Variants in NKAIN2 observed in about 807,000 individuals in gnomAD.
NKAIN2 encodes sodium/potassium transporting ATPase interacting 2, also known as sodium/potassium-transporting ATPase subunit beta-1-interacting protein 2.
In NKAIN2, 14 loss-of-function variants were observed where a neutral mutation model predicts 32.6. The observed-to-expected ratio is 0.43, with a 90% CI of 0.28 to 0.67. The LOEUF (loss-of-function observed/expected upper bound fraction) is 0.67, where lower values mean the gene tolerates loss of function less well. NKAIN2 is among the 30% of genes least tolerant of loss of function. The pLI, the probability that NKAIN2 is intolerant of heterozygous loss-of-function variation, is 0.17. For missense variants in NKAIN2, 198 were observed against 258.3 expected, an observed-to-expected ratio of 0.77 and a Z score of 1.60; for synonymous variants, 80 against 87.2, an observed-to-expected ratio of 0.92 and a Z score of 0.46.
At chr6:124,764,705 G>C (rs1331735626) in intron 4 of NKAIN2, among the ~76,000 whole-genome samples, 1 of 152,020 alleles carries the variant, frequency 6.6e-6, no homozygotes, top group South Asian at 2.1e-4. Flanking sequence ...ATATTTCTTT[G>C]AGTCGATACC....
At chr6:123,927,442 G>A (rs1269431959) in intron 1 of NKAIN2, among the ~76,000 whole-genome samples, 1 of 152,102 alleles carries the variant, frequency 6.6e-6, no homozygotes, top group Non-Finnish European at 1.5e-5. Flanking sequence ...TAGATATACT[G>A]CTTATCTTAT....
At chr6:123,954,162 G>A (rs1410746982) in intron 1 of NKAIN2, among the ~76,000 whole-genome samples, 2 of 152,180 alleles carry the variant, frequency 1.3e-5, no homozygotes, top group Non-Finnish European at 2.9e-5. Context: ...GGAGATGCAA[G>A]GGCTGTTTTG....
At chr6:124,651,985 G>A (rs1440993315) in intron 3 of NKAIN2, among the ~76,000 whole-genome samples, 1 of 152,088 alleles carries the variant, frequency 6.6e-6, no homozygotes, top group African/African-American at 2.4e-5. Context: ...CCCTAAGTGT[G>A]TTTCCCTTTA....
At chr6:124,744,608 A>C (rs1337865) in intron 4 of NKAIN2, among the ~76,000 whole-genome samples, 53 of 151,860 alleles carry the variant, frequency 3.5e-4, no homozygotes, top group Middle Eastern at 3.4e-3. Context: ...CAGAAAGCTT[A>C]TAATCTAAAA....
intron 1 of NKAIN2, among the ~76,000 whole-genome samples, chr6:123,810,982 A>G (rs983148004): frequency 5.3e-5 from 8 of 152,294 alleles, no homozygotes; most frequent in African/African-American, 1.9e-4. Context: ...CTGGGCTAGG[A>G]CCAGAGAATT....
chr6:124,612,276 A>G (rs1224947405), intron 3 of NKAIN2, among the ~76,000 whole-genome samples: 3 of 152,124 alleles, frequency 2.0e-5, no homozygotes, highest in African/African-American at 7.2e-5. Context: ...CTAGGGGGAA[A>G]AAAAGCAAAA....
At chr6:124,165,344 T>A (rs567011820) in intron 1 of NKAIN2, among the ~76,000 whole-genome samples, 52 of 152,136 alleles carry the variant, frequency 3.4e-4, no homozygotes, top group African/African-American at 1.3e-3. Flanking sequence ...GCAGGAATGG[T>A]CAGCCCTGAA....
intron 1 of NKAIN2, among the ~76,000 whole-genome samples, chr6:123,816,540 A>G (rs542626442): frequency 6.6e-6 from 1 of 152,170 alleles, no homozygotes; most frequent in Admixed American, 6.5e-5. Flanking sequence ...TCAGCACCCA[A>G]CTTTCTAAGA....
intron 4 of NKAIN2, among the ~76,000 whole-genome samples, chr6:124,782,531 A>G (rs1224389476): frequency 1.3e-5 from 2 of 152,128 alleles, no homozygotes; most frequent in African/African-American, 4.8e-5. Flanking sequence ...CATTGTCATC[A>G]CTGGGGCAGC....
intron 3 of NKAIN2, among the ~76,000 whole-genome samples, chr6:124,530,846 G>T (rs1256683577): frequency 1.3e-5 from 2 of 152,042 alleles, no homozygotes; most frequent in Non-Finnish European, 2.9e-5. Flanking sequence ...TTCATCGAAG[G>T]GTCGAAGAAA....
intron 3 of NKAIN2, among the ~76,000 whole-genome samples, chr6:124,476,034 G>C (rs1318214121): frequency 6.8e-6 from 1 of 146,832 alleles, no homozygotes; most frequent in African/African-American, 2.5e-5. Flanking sequence ...GTGTGTGTGA[G>C]AGAGTGTGTG....
chr6:124,816,661 G>A (rs1202721162), intron 5 of NKAIN2, among the ~76,000 whole-genome samples: 1 of 152,078 alleles, frequency 6.6e-6, no homozygotes, highest in East Asian at 1.9e-4. Flanking sequence ...CGGACTTTAT[G>A]TTACTTTGCA....
chr6:124,630,357 T>G (rs1207689784), intron 3 of NKAIN2, among the ~76,000 whole-genome samples: 1 of 152,196 alleles, frequency 6.6e-6, no homozygotes, highest in Non-Finnish European at 1.5e-5. Flanking sequence ...TCTTCAGAGC[T>G]TTGGCACTAA....
At chr6:124,677,088 C>A (rs1773395921) in intron 4 of NKAIN2, among the ~76,000 whole-genome samples, 1 of 152,096 alleles carries the variant, frequency 6.6e-6, no homozygotes, top group Non-Finnish European at 1.5e-5. Flanking sequence ...CCTGCCTCAG[C>A]CTCCCAAGTA....
At chr6:124,223,862 G>C (rs190597664) in intron 1 of NKAIN2, among the ~76,000 whole-genome samples, 1 of 152,134 alleles carries the variant, frequency 6.6e-6, no homozygotes, top group East Asian at 1.9e-4. Flanking sequence ...AAAATATAGA[G>C]ATCTGCATAG....
intron 1 of NKAIN2, among the ~76,000 whole-genome samples, chr6:123,873,494 A>C (rs1479513075): frequency 6.6e-6 from 1 of 152,216 alleles, no homozygotes. Context: ...GAGAATTTTA[A>C]GCAGTGCACT....
intron 3 of NKAIN2, among the ~76,000 whole-genome samples, chr6:124,509,075 A>G (rs1269269461): frequency 6.6e-6 from 1 of 152,178 alleles, no homozygotes; most frequent in African/African-American, 2.4e-5. Flanking sequence ...ACACAACTCA[A>G]TTCATAACAG....
At chr6:124,369,229 C>T (rs1402005138) in intron 3 of NKAIN2, among the ~76,000 whole-genome samples, 1 of 152,020 alleles carries the variant, frequency 6.6e-6, no homozygotes, top group African/African-American at 2.4e-5. Context: ...TATTCTGTCC[C>T]CCATTTTAAA....
At chr6:124,055,608 T>G (rs919551750) in intron 1 of NKAIN2, among the ~76,000 whole-genome samples, 1 of 151,886 alleles carries the variant, frequency 6.6e-6, no homozygotes, top group African/African-American at 2.4e-5. Context: ...TCATGGCAGC[T>G]CTGGGTGGAA....
Sources: allele counts gnomAD v4.1 joint callset (sites outside exome capture counted in the v4.1 genomes callset), GRCh38; gene constraint gnomAD v4.1.1; transcripts MANE v1.5; gene names NCBI Gene and HGNC (gene_info 2026-07-23, HGNC 2026-07-21).